Variants in EYS observed in about 807,000 individuals in gnomAD.
EYS encodes EGF-like photoreceptor maintenance factor.
EYS carries 250 observed loss-of-function variants against 282.1 expected under a neutral mutation model. The observed-to-expected ratio is 0.89, with a 90% CI of 0.80 to 0.98. The LOEUF (loss-of-function observed/expected upper bound fraction) is 0.98, where lower values mean the gene tolerates loss of function less well. Among genes scored for constraint, EYS ranks in the 50% least tolerant of loss-of-function variants. The probability of loss-of-function intolerance (pLI) is 0.00; values close to 1 mark genes in which losing one functional copy is unlikely to be tolerated. For synonymous variants in EYS, 1,355 were observed against 1,282.9 expected, an observed-to-expected ratio of 1.06 and a Z score of -1.20; for missense variants, 4,016 against 3,709.0, an observed-to-expected ratio of 1.08 and a Z score of -2.15.
chr6:64,751,948 C>G (rs9351413), intron 22 of EYS, among the ~76,000 whole-genome samples: 103,361 of 151,908 alleles, frequency 0.68, 37,348 homozygotes, highest in Non-Finnish European at 0.8. Flanking sequence ...GAACCCTGCA[C>G]AACATACATT....
chr6:64,156,837 A>G (rs892839509), intron 31 of EYS, among the ~76,000 whole-genome samples: 2 of 152,064 alleles, frequency 1.3e-5, no homozygotes, highest in African/African-American at 4.8e-5. Flanking sequence ...TCAAGAGGTG[A>G]GTTGGGTGTT....
At chr6:65,180,915 C>A (rs1182345662) in intron 12 of EYS, among the ~76,000 whole-genome samples, 1 of 152,016 alleles carries the variant, frequency 6.6e-6, no homozygotes, top group Non-Finnish European at 1.5e-5. Flanking sequence ...TATCTACAAC[C>A]ATGTGATCTT....
At chr6:63,786,231 TAAAATA>T (rs1469192641) in intron 39 of EYS, 2 of 146,086 alleles carry the variant, frequency 1.4e-5, no homozygotes, top group Non-Finnish European at 3.0e-5. Flanking sequence ...AAAGGTAAAG[TAAAATA>T]AAAATAAAGA....
At chr6:64,261,704 G>C (rs1293707965) in intron 30 of EYS, among the ~76,000 whole-genome samples, 2 of 151,730 alleles carry the variant, frequency 1.3e-5, no homozygotes, top group Non-Finnish European at 2.9e-5. Flanking sequence ...ACATTGTTTT[G>C]GCATATATTG....
chr6:64,334,364 C>T (rs185151900), intron 29 of EYS, among the ~76,000 whole-genome samples: 197 of 152,036 alleles, frequency 1.3e-3, no homozygotes, highest in Admixed American at 2.6e-3. Flanking sequence ...CTAAGCTATC[C>T]GGGCTATGAT....
chr6:64,877,447 A>T (rs1400218374), intron 19 of EYS, among the ~76,000 whole-genome samples: 1 of 152,244 alleles, frequency 6.6e-6, no homozygotes, highest in Non-Finnish European at 1.5e-5. Flanking sequence ...TTCCTCAATC[A>T]GTGAACATAT....
At chr6:64,873,459 C>G (rs550823709) in intron 19 of EYS, among the ~76,000 whole-genome samples, 34 of 152,076 alleles carry the variant, frequency 2.2e-4, no homozygotes, top group African/African-American at 7.7e-4. Flanking sequence ...ATGGGAGACA[C>G]TTTTATGTGA....
chr6:65,174,624 T>C (rs73441322), intron 12 of EYS, among the ~76,000 whole-genome samples: 4,502 of 151,440 alleles, frequency 0.03, 93 homozygotes, highest in African/African-American at 0.058. Flanking sequence ...TTCGATCTTC[T>C]AAAGTTTCAT....
chr6:64,362,207 G>T, intron 29 of EYS, among the ~76,000 whole-genome samples: 1 of 151,788 alleles, frequency 6.6e-6, no homozygotes, highest in African/African-American at 2.4e-5. Flanking sequence ...AATGACAACA[G>T]TAAGACATAG....
chr6:64,997,637 T>A lies in EYS; in HGVS notation c.2204A>T (p.Asp735Val). The change falls in exon 14 of 43, where the codon GAT becomes GTT. Residue 735 changes from aspartate to valine, a missense_variant. Coordinates refer to ENST00000503581, the MANE Select transcript of EYS (RefSeq NM_001142800.2). ...CTCACAGGCATTCAGGATGCAGTCA[T>A]CAATGTCCTGTTCACATCTTATCCC... ...YVGIRCEQDI[D>V]DCILNACEHN... The A allele has an allele frequency of 1.3e-6, 2 of 1,551,252 alleles. No homozygotes were observed. The highest frequency in any genetic ancestry group is 2.4e-5 in the South Asian group (2 of 84,052).
At chr6:64,409,652 C>T (rs1216169368) in intron 28 of EYS, among the ~76,000 whole-genome samples, 2 of 152,088 alleles carry the variant, frequency 1.3e-5, no homozygotes, top group Non-Finnish European at 1.5e-5. Flanking sequence ...TGAAAAAATG[C>T]TCTTATTATT....
At chr6:64,135,894 T>C (rs1774144311) in intron 31 of EYS, among the ~76,000 whole-genome samples, 1 of 152,054 alleles carries the variant, frequency 6.6e-6, no homozygotes. Flanking sequence ...AAGATTGGGA[T>C]GGCTATGGGC....
intron 31 of EYS, among the ~76,000 whole-genome samples, chr6:64,184,016 G>A (rs1764860177): frequency 6.6e-6 from 1 of 152,038 alleles, no homozygotes; most frequent in South Asian, 2.1e-4. Context: ...TTATTTCAGT[G>A]CATAGTTGTG....
intron 2 of EYS, among the ~76,000 whole-genome samples, chr6:65,568,448 A>G (rs996329220): frequency 6.6e-6 from 1 of 151,946 alleles, no homozygotes; most frequent in Non-Finnish European, 1.5e-5. Flanking sequence ...TATCTGCCTC[A>G]TGTCAGGGAT....
At chr6:64,137,625 A>T (rs1380365575) in intron 31 of EYS, among the ~76,000 whole-genome samples, 3 of 151,382 alleles carry the variant, frequency 2.0e-5, no homozygotes, top group African/African-American at 7.3e-5. Flanking sequence ...AGAAAGAGAG[A>T]GACAGAGAGA....
At chr6:64,769,760 G>A (rs549194923) in intron 22 of EYS, among the ~76,000 whole-genome samples, 1 of 152,082 alleles carries the variant, frequency 6.6e-6, no homozygotes, top group African/African-American at 2.4e-5. Context: ...TGGAAAGAAG[G>A]CATCCAGCTG....
chr6:63,759,866 A>G (rs759692526), intron 41 of EYS, among the ~76,000 whole-genome samples: 2 of 152,060 alleles, frequency 1.3e-5, no homozygotes, highest in Non-Finnish European at 2.9e-5. Flanking sequence ...AAACCATCCC[A>G]TGTGTTGGAA....
At chr6:65,147,030 T>C (rs1764496643) in intron 12 of EYS, among the ~76,000 whole-genome samples, 1 of 152,042 alleles carries the variant, frequency 6.6e-6, no homozygotes, top group Admixed American at 6.6e-5. Flanking sequence ...TTTGTACTTT[T>C]TGTATGGATT....
intron 34 of EYS, among the ~76,000 whole-genome samples, chr6:63,997,663 G>A (rs988127823): frequency 3.3e-5 from 5 of 152,036 alleles, no homozygotes; most frequent in Admixed American, 2.0e-4. Context: ...CATTCTGATC[G>A]GTATTTCATT....
Sources: gnomAD v4.1 joint callset for allele counts (sites outside exome capture counted in the v4.1 genomes callset) on GRCh38, gnomAD v4.1.1 for gene constraint, MANE v1.5 for transcripts, NCBI Gene and HGNC (gene_info 2026-07-23, HGNC 2026-07-21) for gene names.